Variants in KCNN2 observed in about 807,000 individuals in gnomAD.
KCNN2 encodes the protein small conductance calcium-activated potassium channel protein 2.
A neutral mutation model predicts 55.5 loss-of-function variants in KCNN2; 24 were observed. That is an observed-to-expected ratio of 0.43 (90% CI 0.31 to 0.61). The LOEUF is 0.61. Ranked by LOEUF, KCNN2 falls within the 20% of genes least tolerant of loss-of-function variation. The pLI is 0.08. For synonymous variants in KCNN2, 431 were observed against 336.1 expected (o/e 1.28, Z -3.09); for missense variants, 754 against 853.6 (o/e 0.88, Z 1.45).
chr5:114,082,166 T>C (rs1750840374), intron 1 of KCNN2, among the ~76,000 whole-genome samples: 6 of 151,848 alleles, frequency 4.0e-5, no homozygotes, highest in Admixed American at 2.6e-4. Context: ...CCTAGCATCA[T>C]AGCAAGACTT....
At chr5:114,334,431 T>C (rs1756880695) in intron 2 of KCNN2, among the ~76,000 whole-genome samples, 1 of 152,044 alleles carries the variant, frequency 6.6e-6, no homozygotes, top group Non-Finnish European at 1.5e-5. Context: ...AGAACGTGGA[T>C]AGACAATTCA....
intron 1 of KCNN2, among the ~76,000 whole-genome samples, chr5:114,063,540 A>G (rs1341923406): frequency 6.6e-6 from 1 of 152,182 alleles, no homozygotes; most frequent in East Asian, 1.9e-4. Context: ...CTCCCAGGTG[A>G]TGCTGATGCT....
intron 1 of KCNN2, among the ~76,000 whole-genome samples, chr5:114,093,521 A>T (rs1751192310): frequency 6.6e-6 from 1 of 152,088 alleles, no homozygotes; most frequent in Non-Finnish European, 1.5e-5. Flanking sequence ...GTATTACTCC[A>T]TTTCCATACT....
chr5:114,414,982 C>T (rs959701368), intron 3 of KCNN2, among the ~76,000 whole-genome samples: 14 of 152,308 alleles, frequency 9.2e-5, no homozygotes, highest in African/African-American at 2.6e-4. Context: ...TAAATCCCTG[C>T]TCCCTCTTGC....
At chr5:114,389,147 C>T (rs1758372804) in intron 2 of KCNN2, among the ~76,000 whole-genome samples, 1 of 151,830 alleles carries the variant, frequency 6.6e-6, no homozygotes, top group Non-Finnish European at 1.5e-5. Context: ...TCAATACTTG[C>T]TGCTGTACCT....
At chr5:114,085,038 G>T (rs1750984054) in intron 1 of KCNN2, among the ~76,000 whole-genome samples, 1 of 125,324 alleles carries the variant, frequency 8.0e-6, no homozygotes, top group African/African-American at 3.0e-5. Flanking sequence ...CTGTTCCATT[G>T]ATTATATATA....
intron 1 of KCNN2, among the ~76,000 whole-genome samples, chr5:114,083,714 A>C (rs568804363): frequency 6.6e-6 from 1 of 152,230 alleles, no homozygotes; most frequent in East Asian, 1.9e-4. Context: ...CCTATTTTAA[A>C]TTAGGGTGCA....
At chr5:114,385,395 C>T (rs1758246151) in intron 2 of KCNN2, among the ~76,000 whole-genome samples, 1 of 152,014 alleles carries the variant, frequency 6.6e-6, no homozygotes, top group Non-Finnish European at 1.5e-5. Flanking sequence ...ATCATCAATG[C>T]CTATAGTGTT....
At chr5:114,299,652 C>A (rs887289448) in intron 2 of KCNN2, among the ~76,000 whole-genome samples, 7 of 152,150 alleles carry the variant, frequency 4.6e-5, no homozygotes, top group African/African-American at 1.7e-4. Context: ...CCCATCTAGT[C>A]CCATCTCTGG....
chr5:114,265,327 GTGTGTGTGT>G (rs1755188093), intron 2 of KCNN2, among the ~76,000 whole-genome samples: 1 of 922 alleles, frequency 1.1e-3, no homozygotes, highest in African/African-American at 4.8e-3. Flanking sequence ...AAGAGGAGGT[GTGTGTGTGT>G]GTGTGTGTGT....
intron 2 of KCNN2, among the ~76,000 whole-genome samples, chr5:114,324,187 C>T (rs1169983512): frequency 1.3e-5 from 2 of 152,078 alleles, no homozygotes; most frequent in African/African-American, 4.8e-5. Context: ...TGTACCAACA[C>T]CTATGAAATA....
intron 2 of KCNN2, among the ~76,000 whole-genome samples, chr5:114,310,578 T>G (rs1424710750): frequency 1.3e-5 from 2 of 152,154 alleles, no homozygotes; most frequent in Non-Finnish European, 2.9e-5. Context: ...CTCCAAAGGT[T>G]AATTTTTTTT....
intron 2 of KCNN2, among the ~76,000 whole-genome samples, chr5:114,247,826 A>G (rs1386799116): frequency 4.0e-5 from 6 of 151,840 alleles, no homozygotes; most frequent in African/African-American, 1.5e-4. Context: ...TTTTTTTTTC[A>G]GAGGAAGGAT....
At chr5:114,478,321 G>C (rs1762063391) in intron 5 of KCNN2, among the ~76,000 whole-genome samples, 1 of 152,046 alleles carries the variant, frequency 6.6e-6, no homozygotes, top group Admixed American at 6.6e-5. Context: ...ATATGCTATA[G>C]GTTTGAACAA....
At chr5:114,467,792 C>G (rs1761525872) in intron 4 of KCNN2, among the ~76,000 whole-genome samples, 1 of 152,112 alleles carries the variant, frequency 6.6e-6, no homozygotes, top group Admixed American at 6.6e-5. Context: ...CTCATGGACT[C>G]CACAATTTCA....
At chr5:114,332,236 ATAAT>A (rs1373541390) in intron 2 of KCNN2, among the ~76,000 whole-genome samples, 1 of 152,230 alleles carries the variant, frequency 6.6e-6, no homozygotes, top group Non-Finnish European at 1.5e-5. Context: ...ACACAGACTG[ATAAT>A]TAATTAGTGC....
At chr5:114,272,345 T>C (rs1468602797) in intron 2 of KCNN2, among the ~76,000 whole-genome samples, 5 of 56,240 alleles carry the variant, frequency 8.9e-5, no homozygotes, top group Non-Finnish European at 1.7e-4. Context: ...CACACATATA[T>C]GTATGTACAT....
At chr5:114,414,208 A>G (rs762455485) in intron 3 of KCNN2, among the ~76,000 whole-genome samples, 10 of 152,190 alleles carry the variant, frequency 6.6e-5, no homozygotes, top group Non-Finnish European at 1.2e-4. Context: ...GTGCCTTTAC[A>G]TGCCATAAAA....
chr5:114,089,020 G>A (rs1160580099), intron 1 of KCNN2, among the ~76,000 whole-genome samples: 3 of 152,124 alleles, frequency 2.0e-5, no homozygotes, highest in Non-Finnish European at 2.9e-5. Context: ...TATAATAGAT[G>A]CTTTAAAGTT....
Sources: allele counts gnomAD v4.1 joint callset (sites outside exome capture counted in the v4.1 genomes callset), GRCh38; gene constraint gnomAD v4.1.1; transcripts MANE v1.5; gene names NCBI Gene and HGNC (gene_info 2026-07-23, HGNC 2026-07-21).